The following CNPY1 variants were observed in gnomAD, a reference collection of about 807,000 sequenced individuals.
CNPY1 encodes the protein protein canopy homolog 1.
CNPY1 carries 14 observed loss-of-function variants against 14.4 expected under a neutral mutation model. The observed-to-expected ratio is 0.97, with a 90% CI of 0.64 to 1.52. The LOEUF is 1.52. CNPY1 is among the 40% of genes most tolerant of loss of function. The pLI is 0.00. For synonymous variants in CNPY1, 43 were observed against 46.5 expected (o/e 0.92, Z 0.31); for missense variants, 129 against 131.5 (o/e 0.98, Z 0.09).
At position 155,507,047 on chromosome 7, in the gene CNPY1, CTAGA is replaced by C. The variant is rs748621401; in HGVS notation, c.369_372del (p.Tyr123Ter). On this transcript the variant is annotated frameshift_variant, in exon 4 of 5. Transcript: ENST00000636446. LOFTEE classifies it high-confidence loss of function. ...GATTTTTCACTGCACAGCTTGTCAG[CTAGA>C]TAGTGTGTCTCCTGGGCGATAAGTG... The C allele has an allele frequency of 3.1e-6, 5 of 1,612,366 alleles. No homozygotes were observed. The highest frequency in any genetic ancestry group is 1.7e-5 in the Admixed American group (1 of 59,918).
chr7:155,529,066 A>AAC (rs921566441), intron 2 of CNPY1, among the ~76,000 whole-genome samples: 1 of 151,296 alleles, frequency 6.6e-6, no homozygotes, highest in African/African-American at 2.4e-5. Flanking sequence ...ATATCAAAAA[A>AAC]AAAAAGAAAA....
intron 2 of CNPY1, among the ~76,000 whole-genome samples, chr7:155,534,654 G>C (rs773187182): frequency 1.3e-5 from 2 of 152,188 alleles, no homozygotes; most frequent in Non-Finnish European, 2.9e-5. Context: ...TGGCAGGTCC[G>C]GGCAATTCAT....
rs534247370 is a variant in CNPY1 at position 155,514,573 on chromosome 7, G to A, written c.100-5476C>T. On this transcript the variant is annotated intron_variant, in intron 2 of 4. Coordinates refer to ENST00000636446, the MANE Select transcript of CNPY1 (RefSeq NM_001393663.1). The stretch of plus-strand genomic sequence containing the variant: ...CCAACTTGGTCTTCTGAATACTTGC[G>A]GGCATATGGCAAGACTTCCTTATAA... Among the ~76,000 whole-genome samples, 182 of 152,210 alleles carry A rather than the reference G, an allele frequency of 1.2e-3. 1 individual carries two copies. The highest frequency in any genetic ancestry group is 1.8e-3 in the Non-Finnish European group (119 of 68,000).
chr7:155,510,294 G>C (rs1796497449), intron 2 of CNPY1: 1 of 152,264 alleles, frequency 6.6e-6, no homozygotes. Context: ...GAAAGCGCGG[G>C]CGGAGGGTGC....
chr7:155,526,319 A>G (rs1331276801), intron 2 of CNPY1, among the ~76,000 whole-genome samples: 1 of 152,198 alleles, frequency 6.6e-6, no homozygotes. Context: ...GTAGACGGAA[A>G]AGAAAAGCAT....
chr7:155,532,465 C>CAAAA (rs61662648), intron 2 of CNPY1, among the ~76,000 whole-genome samples: 14 of 151,468 alleles, frequency 9.2e-5, no homozygotes, highest in Non-Finnish European at 1.9e-4. Context: ...ACTAAAAATA[C>CAAAA]AAAAAATTAG....
intron 2 of CNPY1, chr7:155,533,677 G>T (rs1177710593): frequency 1.3e-5 from 2 of 152,198 alleles, no homozygotes; most frequent in East Asian, 1.9e-4. Flanking sequence ...GAAAATCTGA[G>T]CACCTTTGAC....
intron 2 of CNPY1, among the ~76,000 whole-genome samples, chr7:155,544,826 G>A (rs1031869382): frequency 2.6e-5 from 4 of 152,184 alleles, no homozygotes; most frequent in African/African-American, 9.7e-5. Context: ...GGGAGGCAAC[G>A]AACCCAAAAG....
At chr7:155,505,814 C>A (rs1290684593) in intron 4 of CNPY1, among the ~76,000 whole-genome samples, 1 of 152,210 alleles carries the variant, frequency 6.6e-6, no homozygotes, top group Non-Finnish European at 1.5e-5. Context: ...GGACATCACA[C>A]ATTTCTATAG....
chr7:155,508,831 A>T, intron 3 of CNPY1, 63 bp downstream of exon 3: 1 of 1,560,496 alleles, frequency 6.4e-7, no homozygotes, highest in Admixed American at 1.8e-5. Flanking sequence ...AGAAAACAAC[A>T]AAAAAGAGTT....
At chr7:155,527,071 TGAGA>T (rs1563093380) in intron 2 of CNPY1, among the ~76,000 whole-genome samples, 13 of 145,632 alleles carry the variant, frequency 8.9e-5, no homozygotes, top group Admixed American at 2.1e-4. Flanking sequence ...TTTTTTTTTT[TGAGA>T]CAGTCTTGCT....
chr7:155,537,002 T>C (rs1797031954), intron 2 of CNPY1, among the ~76,000 whole-genome samples: 1 of 152,210 alleles, frequency 6.6e-6, no homozygotes, highest in African/African-American at 2.4e-5. Flanking sequence ...CCCCCAGTCC[T>C]AGGGATGTAA....
intron 3 of CNPY1, 25 bp from the exon 4 acceptor site, chr7:155,507,141 T>C (rs1202440294): frequency 1.4e-6 from 2 of 1,424,412 alleles, no homozygotes; most frequent in Non-Finnish European, 2.0e-6. Flanking sequence ...TAACAACATA[T>C]GTGGATAGAC....
intron 3 of CNPY1, among the ~76,000 whole-genome samples, chr7:155,507,446 C>T (rs1417198374): frequency 2.0e-5 from 2 of 99,702 alleles, no homozygotes; most frequent in African/African-American, 4.4e-5. Flanking sequence ...ATCGAAGGAG[C>T]TGAAAAGTCC....
intron 2 of CNPY1, among the ~76,000 whole-genome samples, chr7:155,535,558 A>G (rs76503702): frequency 0.034 from 5,173 of 152,286 alleles, 299 homozygotes; most frequent in African/African-American, 0.12. Flanking sequence ...GGAAGCCGGG[A>G]ATGAACAGAG....
At position 155,532,717 on chromosome 7, in the gene CNPY1, C is replaced by A. The variant is rs1306854607; in HGVS notation, c.99+13114G>T. Reference sequence around the variant, plus strand: ...GTTGCTGAGAATTTTTTTTTTCAATCAAATCCAACTGAAAAGAATTTGAAT... The same window carrying A: ...GTTGCTGAGAATTTTTTTTTTCAATAAAATCCAACTGAAAAGAATTTGAAT... On this transcript the variant is annotated intron_variant, in intron 2 of 4. Coordinates refer to ENST00000636446, the MANE Select transcript of CNPY1 (RefSeq NM_001393663.1). 3.3e-5 allele frequency among the ~76,000 whole-genome samples: 5 copies of A among 151,764 alleles called. No individual in the cohort carries two copies. The East Asian group carries it at 9.7e-4, about 29-fold the overall frequency.
At chr7:155,531,354 A>G (rs992709989) in intron 2 of CNPY1, among the ~76,000 whole-genome samples, 1 of 152,250 alleles carries the variant, frequency 6.6e-6, no homozygotes, top group African/African-American at 2.4e-5. Context: ...TGATGTTTTT[A>G]GAAACTGAGA....
intron 4 of CNPY1, among the ~76,000 whole-genome samples, chr7:155,504,722 A>ACACCCC (rs1796241547): frequency 6.8e-6 from 1 of 147,724 alleles, no homozygotes; most frequent in South Asian, 2.2e-4. Context: ...ACACACACAC[A>ACACCCC]CACACAGTCA....
chr7:155,546,303 C>A, intron 1 of CNPY1, 126 bp downstream of exon 1: 1 of 394,760 alleles, frequency 2.5e-6, no homozygotes, highest in South Asian at 1.3e-4. Context: ...CCTCCCATTT[C>A]CACCTCCGAG....
Sources: allele counts gnomAD v4.1 joint callset (sites outside exome capture counted in the v4.1 genomes callset), GRCh38; gene constraint gnomAD v4.1.1; transcripts MANE v1.5; gene names NCBI Gene and HGNC (gene_info 2026-07-23, HGNC 2026-07-21).